CPEB3: variants seen among roughly 807,000 people sequenced by gnomAD.
CPEB3 encodes the protein cytoplasmic polyadenylation element binding protein 3, also known as cytoplasmic polyadenylation element-binding protein 3.
In CPEB3, 20 loss-of-function variants were observed where a neutral mutation model predicts 67.2. That is an observed-to-expected ratio of 0.30 (90% CI 0.21 to 0.43). CPEB3 has a LOEUF of 0.43. Ranked by LOEUF, CPEB3 falls within the 20% of genes least tolerant of loss-of-function variation. The pLI, the probability that CPEB3 is intolerant of heterozygous loss-of-function variation, is 1.00. For synonymous variants in CPEB3, 376 were observed against 393.1 expected (o/e 0.96, Z 0.51); for missense variants, 746 against 968.6 (o/e 0.77, Z 3.05).
chr10:92,160,776 C>T (rs1237067658), intron 4 of CPEB3, among the ~76,000 whole-genome samples: 1 of 152,178 alleles, frequency 6.6e-6, no homozygotes, highest in African/African-American at 2.4e-5. Flanking sequence ...TCTTCAACCA[C>T]TAAACATCCA....
At chr10:92,214,955 C>T (rs1431868365) in intron 2 of CPEB3, among the ~76,000 whole-genome samples, 4 of 152,012 alleles carry the variant, frequency 2.6e-5, no homozygotes, top group African/African-American at 7.2e-5. Flanking sequence ...TCAAGTGATT[C>T]GCATGCCTCA....
At chr10:92,061,435 A>AC (rs1564747166) in intron 9 of CPEB3, among the ~76,000 whole-genome samples, 3 of 148,198 alleles carry the variant, frequency 2.0e-5, no homozygotes, top group Admixed American at 6.8e-5. Context: ...AAAAAAAAAA[A>AC]AAAAAAAACA....
At chr10:92,135,721 T>C (rs1279698253) in intron 6 of CPEB3, among the ~76,000 whole-genome samples, 4 of 152,200 alleles carry the variant, frequency 2.6e-5, no homozygotes. Context: ...CGTATGTTTA[T>C]TGTGGCACTA....
intron 2 of CPEB3, among the ~76,000 whole-genome samples, chr10:92,237,589 A>G (rs1411439494): frequency 1.3e-5 from 2 of 152,220 alleles, no homozygotes; most frequent in African/African-American, 4.8e-5. Context: ...CAACTCCCAG[A>G]AAAAGATAAC....
intron 6 of CPEB3, among the ~76,000 whole-genome samples, chr10:92,129,194 C>A (rs1230436276): frequency 6.6e-6 from 1 of 152,278 alleles, no homozygotes; most frequent in African/African-American, 2.4e-5. Context: ...TTTGCAGGAA[C>A]ACAGATGGAG....
rs531871450 is a variant in CPEB3, at chr10:92,238,632, A to C, written c.1005+714T>G. ...CCTATTGTCTCTTACCTCCGAAAAA[A>C]AAAAAAAAAATCCTTCTTCTAGGTA... On this transcript the variant is annotated intron_variant, in intron 2 of 9. Transcript: ENST00000265997. Among the ~76,000 whole-genome samples the C allele has an allele frequency of 1.8e-3, 273 of 152,222 alleles. 1 individual carries two copies. The highest frequency in any genetic ancestry group is 6.4e-3 in the African/African-American group (265 of 41,548).
At chr10:92,119,350 C>G (rs1156516983) in intron 6 of CPEB3, among the ~76,000 whole-genome samples, 1 of 152,100 alleles carries the variant, frequency 6.6e-6, no homozygotes, top group African/African-American at 2.4e-5. Flanking sequence ...TCTAGTTTTC[C>G]CCTTGTTTCT....
intron 5 of CPEB3, among the ~76,000 whole-genome samples, 161 bp downstream of exon 5, chr10:92,144,784 T>C (rs1378950331): frequency 3.3e-5 from 5 of 152,176 alleles, no homozygotes; most frequent in Non-Finnish European, 7.3e-5. Context: ...ATGAAGTACT[T>C]AGTACAATAA....
chr10:92,082,181 T>C (rs1843179792), intron 8 of CPEB3, among the ~76,000 whole-genome samples: 1 of 152,194 alleles, frequency 6.6e-6, no homozygotes, highest in African/African-American at 2.4e-5. Context: ...GCCACACAAA[T>C]AGTAAAAACA....
At chr10:92,280,272 G>A in intron 1 of CPEB3, among the ~76,000 whole-genome samples, 1 of 147,558 alleles carries the variant, frequency 6.8e-6, no homozygotes, top group Admixed American at 7.0e-5. Flanking sequence ...TTGAACCCAG[G>A]GCAGAGGTTG....
At chr10:92,060,508 A>G (rs577512509) in intron 9 of CPEB3, among the ~76,000 whole-genome samples, 2 of 152,302 alleles carry the variant, frequency 1.3e-5, no homozygotes, top group East Asian at 3.9e-4. Flanking sequence ...CAAAGCAAAA[A>G]TGGACAAATA....
intron 7 of CPEB3, among the ~76,000 whole-genome samples, chr10:92,092,434 C>T (rs1166186906): frequency 3.3e-5 from 5 of 152,256 alleles, no homozygotes; most frequent in South Asian, 2.1e-4. Flanking sequence ...TTAATACAGA[C>T]GAACATGCAG....
At chr10:92,094,558 C>T (rs572677248) in intron 7 of CPEB3, among the ~76,000 whole-genome samples, 2 of 150,982 alleles carry the variant, frequency 1.3e-5, no homozygotes, top group Admixed American at 6.6e-5. Flanking sequence ...GCCAAGATCA[C>T]GTCACTGCAC....
At chr10:92,055,960 G>A (rs185877724) in intron 9 of CPEB3, among the ~76,000 whole-genome samples, 16 of 152,350 alleles carry the variant, frequency 1.1e-4, no homozygotes, top group Non-Finnish European at 2.1e-4. Flanking sequence ...AGAAGCTGCA[G>A]TGAGCCAAGA....
At chr10:92,124,556 T>C (rs1169839864) in intron 6 of CPEB3, among the ~76,000 whole-genome samples, 1 of 152,164 alleles carries the variant, frequency 6.6e-6, no homozygotes, top group Non-Finnish European at 1.5e-5. Context: ...TATTAAAATA[T>C]AGGGTTCATA....
At chr10:92,245,171 T>A (rs921994019) in intron 1 of CPEB3, among the ~76,000 whole-genome samples, 2 of 132,200 alleles carry the variant, frequency 1.5e-5, no homozygotes, top group African/African-American at 5.8e-5. Context: ...TGAGTCTCGC[T>A]CTGTCACCCA....
chr10:92,222,704 A>G (rs1028493570), intron 2 of CPEB3, among the ~76,000 whole-genome samples: 4 of 152,158 alleles, frequency 2.6e-5, no homozygotes, highest in Non-Finnish European at 5.9e-5. Flanking sequence ...TGAATGTTAC[A>G]GCTCACTTCT....
At position 92,159,965 on chromosome 10, in the gene CPEB3, T is replaced by C. The variant is rs182217269; in HGVS notation, c.1223-14880A>G. ...AAATCTTTTTTTTTTTTTTCTGAGA[T>C]GGAGTCTCGTTCACTCTGTCACCCA... On this transcript the variant is annotated intron_variant, in intron 4 of 9. Coordinates refer to ENST00000265997, the MANE Select transcript of CPEB3 (RefSeq NM_014912.5). Among the ~76,000 whole-genome samples, 273 of 151,240 alleles carry C rather than the reference T, an allele frequency of 1.8e-3. 1 individual carries two copies. The highest frequency in any genetic ancestry group is 6.4e-3 in the African/African-American group (265 of 41,200).
chr10:92,203,263 G>A (rs988906404), intron 2 of CPEB3, among the ~76,000 whole-genome samples: 2 of 149,734 alleles, frequency 1.3e-5, no homozygotes, highest in Non-Finnish European at 3.0e-5. Flanking sequence ...TTTTTAAAAG[G>A]CATTTCTAAG....
Sources: allele counts gnomAD v4.1 joint callset (sites outside exome capture counted in the v4.1 genomes callset), GRCh38; gene constraint gnomAD v4.1.1; transcripts MANE v1.5; gene names NCBI Gene and HGNC (gene_info 2026-07-23, HGNC 2026-07-21).